The following ASIC2 variants were observed in gnomAD, a reference collection of about 807,000 sequenced individuals.
The protein encoded by ASIC2 is acid sensing ion channel subunit 2, also known as acid-sensing ion channel 2.
Under a neutral mutation model 57.3 loss-of-function variants are expected in ASIC2, and 25 were observed. The observed-to-expected ratio is 0.44, with a 90% CI of 0.32 to 0.61. The LOEUF is 0.61. Ranked by LOEUF, ASIC2 falls within the 20% of genes least tolerant of loss-of-function variation. ASIC2 has a pLI of 0.06. For missense variants in ASIC2, 641 were observed against 738.1 expected, an observed-to-expected ratio of 0.87 and a Z score of 1.52; for synonymous variants, 319 against 307.5, an observed-to-expected ratio of 1.04 and a Z score of -0.39.
At chr17:33,150,796 G>GC (rs1254172835) in intron 1 of ASIC2, among the ~76,000 whole-genome samples, 1 of 67,974 alleles carries the variant, frequency 1.5e-5, no homozygotes, top group African/African-American at 7.5e-5. Flanking sequence ...CTTGCAGTGA[G>GC]CCGAGATCCC....
chr17:33,040,772 G>A (rs566088881), intron 3 of ASIC2, among the ~76,000 whole-genome samples: 57 of 152,322 alleles, frequency 3.7e-4, no homozygotes, highest in Non-Finnish European at 4.4e-4. Flanking sequence ...CAAAAGGAGT[G>A]TTCAGCTTGC....
At chr17:33,562,447 C>G (rs755815970) in intron 1 of ASIC2, among the ~76,000 whole-genome samples, 1 of 152,178 alleles carries the variant, frequency 6.6e-6, no homozygotes, top group Non-Finnish European at 1.5e-5. Context: ...TAATCATCAG[C>G]CTTGTATTCC....
At chr17:33,337,278 A>G (rs979121314) in intron 1 of ASIC2, among the ~76,000 whole-genome samples, 4 of 152,238 alleles carry the variant, frequency 2.6e-5, no homozygotes, top group Non-Finnish European at 4.4e-5. Context: ...AATAAGGGCT[A>G]CCATTCATTG....
intron 1 of ASIC2, among the ~76,000 whole-genome samples, chr17:33,206,193 CAG>C (rs1217737313): frequency 1.3e-5 from 2 of 152,120 alleles, no homozygotes; most frequent in African/African-American, 4.8e-5. Context: ...TCCCACGAAA[CAG>C]AAATGCTTGC....
chr17:33,752,674 A>T (rs1292598354), intron 1 of ASIC2, among the ~76,000 whole-genome samples: 1 of 152,240 alleles, frequency 6.6e-6, no homozygotes, highest in Non-Finnish European at 1.5e-5. Context: ...GGGTCTACAT[A>T]GATGGCAGAT....
At chr17:33,745,650 G>A (rs1910238420) in intron 1 of ASIC2, among the ~76,000 whole-genome samples, 2 of 151,586 alleles carry the variant, frequency 1.3e-5, no homozygotes, top group Admixed American at 1.3e-4. Context: ...TACTCAAAGT[G>A]CAGAAAAAAG....
chr17:33,351,483 T>A (rs1908177463), intron 1 of ASIC2, among the ~76,000 whole-genome samples: 1 of 152,186 alleles, frequency 6.6e-6, no homozygotes, highest in Non-Finnish European at 1.5e-5. Context: ...TCTTCTCTCA[T>A]CAGATGTGTC....
chr17:34,138,251 G>A (rs1912177897), intron 1 of ASIC2, among the ~76,000 whole-genome samples: 1 of 152,192 alleles, frequency 6.6e-6, no homozygotes, highest in South Asian at 2.1e-4. Flanking sequence ...GTCCCTGGGA[G>A]GATGCAATGC....
chr17:33,799,360 TTC>T (rs1491246024), intron 1 of ASIC2, among the ~76,000 whole-genome samples: 617 of 130,194 alleles, frequency 4.7e-3, no homozygotes, highest in Middle Eastern at 8.2e-3. Flanking sequence ...TTCTCTTTCT[TTC>T]TTTCTTTCTT....
At chr17:33,212,829 C>A (rs562771770) in intron 1 of ASIC2, among the ~76,000 whole-genome samples, 1 of 152,188 alleles carries the variant, frequency 6.6e-6, no homozygotes, top group Non-Finnish European at 1.5e-5. Context: ...GACAAGCATT[C>A]CTTTGCCCCC....
intron 1 of ASIC2, among the ~76,000 whole-genome samples, chr17:33,327,617 A>G (rs1310857116): frequency 6.6e-6 from 1 of 152,198 alleles, no homozygotes; most frequent in Non-Finnish European, 1.5e-5. Flanking sequence ...TGGTGTGTAA[A>G]TGGACATATA....
At chr17:33,669,099 CT>C (rs1025164023) in intron 1 of ASIC2, among the ~76,000 whole-genome samples, 1 of 152,148 alleles carries the variant, frequency 6.6e-6, no homozygotes, top group Non-Finnish European at 1.5e-5. Flanking sequence ...GTTTGTTGAT[CT>C]ATTTCTTTTG....
intron 1 of ASIC2, among the ~76,000 whole-genome samples, chr17:33,733,680 C>CT (rs1909817535): frequency 6.6e-6 from 1 of 152,210 alleles, no homozygotes; most frequent in Non-Finnish European, 1.5e-5. Context: ...CTGCCTGCCA[C>CT]TGCTAAGAAA....
At chr17:33,821,089 A>G (rs1377012871) in intron 1 of ASIC2, among the ~76,000 whole-genome samples, 2 of 152,144 alleles carry the variant, frequency 1.3e-5, no homozygotes, top group Non-Finnish European at 2.9e-5. Context: ...GCCTCTGTGT[A>G]TGTATTTTCC....
Position 33,013,773 on chromosome 17 carries a change from C to T in ASIC2, c.*192G>A, listed in dbSNP as rs1296889936. 55 of 613,792 alleles carry T rather than the reference C, an allele frequency of 9.0e-5. 1 individual carries two copies. The highest frequency in any genetic ancestry group is 1.1e-4 in the African/African-American group (6 of 54,148). 38.0% of individuals were successfully genotyped at this position (613,792 alleles called of 1,614,324 possible). ...ACTCATCTCTCCTAAGAGGGACGCA[C>T]GGCGGGGCCCAAGGATGCGTCGTGT... is the stretch of plus-strand genomic sequence containing the variant. On this transcript the variant is annotated 3_prime_UTR_variant, in exon 10 of 10. Transcript: ENST00000225823.
intron 1 of ASIC2, among the ~76,000 whole-genome samples, chr17:33,945,047 A>G (rs1000257508): frequency 7.2e-5 from 11 of 152,158 alleles, no homozygotes; most frequent in African/African-American, 2.7e-4. Context: ...TTTAAGTATG[A>G]TCTCATGTGA....
At chr17:33,492,397 C>A (rs115653310) in intron 1 of ASIC2, among the ~76,000 whole-genome samples, 1 of 152,176 alleles carries the variant, frequency 6.6e-6, no homozygotes, top group Non-Finnish European at 1.5e-5. Context: ...ATGAGCTCCA[C>A]GTCATGGAGA....
rs535529442 is a variant in ASIC2, at chr17:33,996,791, A to G, written c.555+159187T>C. 1.4e-4 allele frequency among the ~76,000 whole-genome samples: 21 copies of G among 152,332 alleles called. No homozygotes were observed. The South Asian group carries it at 2.3e-3, about 17-fold the overall frequency. On this transcript the variant is annotated intron_variant, in intron 1 of 9. Coordinates refer to the ASIC2 transcript ENST00000359872. Reference sequence around the variant, plus strand: ...GCATATTTTGAAATCAAGATGTCCAAGGCCTCTGGCTTTGTATTTCTTGCT... The same window carrying G: ...GCATATTTTGAAATCAAGATGTCCAGGGCCTCTGGCTTTGTATTTCTTGCT...
intron 1 of ASIC2, among the ~76,000 whole-genome samples, chr17:33,638,478 C>G (rs964148336): frequency 6.6e-6 from 1 of 152,148 alleles, no homozygotes. Context: ...ATGCTCTGAT[C>G]GATGAGTGTT....
Sources: gnomAD v4.1 joint callset for allele counts (sites outside exome capture counted in the v4.1 genomes callset) on GRCh38, gnomAD v4.1.1 for gene constraint, MANE v1.5 for transcripts, NCBI Gene and HGNC (gene_info 2026-07-23, HGNC 2026-07-21) for gene names.